MUC5B: variants seen among roughly 807,000 people sequenced by gnomAD.
MUC5B encodes mucin-5B.
Under a neutral mutation model 376.9 loss-of-function variants are expected in MUC5B, and 116 were observed. The ratio of observed to expected loss-of-function variants is 0.31; its 90% CI spans 0.26 to 0.36. The LOEUF (loss-of-function observed/expected upper bound fraction) is 0.36. MUC5B is among the 10% of genes least tolerant of loss of function. The pLI is 1.00. For synonymous variants in MUC5B, 3,517 were observed against 3,390.9 expected (o/e 1.04, Z -1.29); for missense variants, 7,165 against 7,769.9 (o/e 0.92, Z 2.93).
rs745507605 is a variant in MUC5B, at chr11:1,242,134, G to A, written c.5254G>A (p.Glu1752Lys). The change falls in exon 31 of 49, where the codon GAG (glutamate) becomes AAG (lysine). Residue 1752 changes from glutamate to lysine, a missense_variant. Coordinates refer to ENST00000529681, the MANE Select transcript of MUC5B (RefSeq NM_002458.3). ...TTSLAPTLTSELSTSQAETST... is the reference protein window; with the variant it reads ...TTSLAPTLTSKLSTSQAETST... ...GAGCCTGGCGCCAACACTCACGAGC[G>A]AGCTGTCCACCTCTCAGGCCGAGAC... 42 of 1,613,270 alleles carry A rather than the reference G, an allele frequency of 2.6e-5. No individual in the cohort carries two copies. Among genetic ancestry groups the A allele is most frequent in the South Asian group, 1.9e-4 (17 of 91,076 alleles).
Position 1,250,940 on chromosome 11 carries a change from T to A in MUC5B, c.14060T>A (p.Ile4687Asn), listed in dbSNP as rs558456971. The change falls in exon 31 of 49, where the codon ATC becomes AAC. Residue 4687 changes from isoleucine to asparagine, a missense_variant. Ile to Asn is a moderately radical substitution (Grantham distance 149). Coordinates refer to ENST00000529681, the MANE Select transcript of MUC5B (RefSeq NM_002458.3). ...TCACTGACCACCACGGCCACTACGATCACGGCCACCGGCTCCACCACCAAC... is the reference window on the plus strand; with the variant it reads ...TCACTGACCACCACGGCCACTACGAACACGGCCACCGGCTCCACCACCAAC... Reference protein sequence around the residue: ...PPSLTTTATTITATGSTTNPS... With the variant: ...PPSLTTTATTNTATGSTTNPS... 2 of 1,602,618 alleles carry A rather than the reference T, an allele frequency of 1.2e-6. No homozygotes were observed. Among genetic ancestry groups the A allele is most frequent in the East Asian group, 2.3e-5 (1 of 44,238 alleles).
rs914167596 is a variant in MUC5B, at chr11:1,232,547, G to A, written c.1938+3G>A. On this transcript the variant is annotated splice_donor_region_variant and intron_variant, in intron 16 of 48. Transcript: ENST00000529681. ...TCAACCCCAAGCCCTTCCACTCGGT[G>A]AGAGGCTGAGGCCAGACCCCCACGC... The A allele has an allele frequency of 1.2e-6, 2 of 1,608,976 alleles. No individual in the cohort carries two copies. The highest frequency in any genetic ancestry group is 8.5e-7 in the Non-Finnish European group (1 of 1,178,376).
chr11:1,225,665 T>C lies in MUC5B; in HGVS notation c.71-16T>C, dbSNP rs772460091. The C allele has an allele frequency of 1.3e-6, 2 of 1,591,148 alleles. No homozygotes were observed. The highest frequency in any genetic ancestry group is 2.3e-5 in the South Asian group (2 of 87,492). On this transcript the variant is annotated splice_polypyrimidine_tract_variant and intron_variant, in intron 1 of 48. Coordinates refer to ENST00000529681, the MANE Select transcript of MUC5B (RefSeq NM_002458.3). ...ACATCTAGTTCCTCACTGACTCCCA[T>C]TCCCTCTTCCCACAGAGACCCAGGG...
chr11:1,242,169 C>T lies in MUC5B; in HGVS notation c.5289C>T (p.Pro1763=), dbSNP rs1302640889. ...LSTSQAETST[P]RTETTMSPLT... is the part of the protein sequence containing the mutation. The stretch of plus-strand genomic sequence containing the variant: ...CCTCTCAGGCCGAGACCAGCACGCC[C>T]AGGACAGAGACGACAATGAGCCCCT... The change falls in exon 31 of 49, where the codon CCC becomes CCT. Residue 1763 remains proline, a synonymous_variant. Coordinates refer to ENST00000529681, the MANE Select transcript of MUC5B (RefSeq NM_002458.3). 2.5e-6 allele frequency: 4 copies of T among 1,613,554 alleles called. No homozygotes were observed. Among genetic ancestry groups the T allele is most frequent in the Non-Finnish European group, 3.4e-6 (4 of 1,179,906 alleles).
Position 1,251,199 on chromosome 11 carries a change from C to T in MUC5B, c.14319C>T (p.Ser4773=). The change falls in exon 31 of 49, where the codon TCC becomes TCT. Residue 4773 remains serine, a synonymous_variant. Transcript: ENST00000529681. The part of the protein sequence containing the change: ...TVPAQTTTPM[S]TMSTIHTSST... Reference sequence around the variant, plus strand: ...CAGCACAGACCACCACACCCATGTCCACCATGTCCACAATCCACACCTCCT... The same window carrying T: ...CAGCACAGACCACCACACCCATGTCTACCATGTCCACAATCCACACCTCCT... 1 of 1,611,432 alleles carries T rather than the reference C, an allele frequency of 6.2e-7. No individual in the cohort carries two copies. Among genetic ancestry groups the T allele is most frequent in the Admixed American group, 1.7e-5 (1 of 59,988 alleles).
chr11:1,229,152 C>T lies in MUC5B; in HGVS notation c.977-18C>T. ...ACAGGGCCCTTCCCCTGGCCCAGCCCCACCTCCTTTTGCGCAGCCCGGACC... is the reference window on the plus strand; with the variant it reads ...ACAGGGCCCTTCCCCTGGCCCAGCCTCACCTCCTTTTGCGCAGCCCGGACC... On this transcript the variant is annotated intron_variant, in intron 8 of 48. Coordinates refer to ENST00000529681, the MANE Select transcript of MUC5B (RefSeq NM_002458.3). 1.3e-6 allele frequency: 2 copies of T among 1,568,224 alleles called. No homozygotes were observed. Among genetic ancestry groups the T allele is most frequent in the South Asian group, 1.2e-5 (1 of 85,774 alleles).
chr11:1,246,282 C>T lies in MUC5B; in HGVS notation c.9402C>T (p.Ile3134=), dbSNP rs770624535. The stretch of plus-strand genomic sequence containing the variant: ...CCTCCACTCCGGGGACGACCTGGAT[C>T]CTCACAGAGCTGACCACAGCAGCCA... The part of the protein sequence containing the change: ...TPSSTPGTTW[I]LTELTTAATT... The change falls in exon 31 of 49, where the codon ATC becomes ATT. Residue 3134 remains isoleucine, a synonymous_variant. Coordinates refer to ENST00000529681, the MANE Select transcript of MUC5B (RefSeq NM_002458.3). 5 of 1,610,824 alleles carry T rather than the reference C, an allele frequency of 3.1e-6. No individual in the cohort carries two copies. In the South Asian group the frequency reaches 5.5e-5, roughly 18 times the overall value.
intron 31 of MUC5B, 50 bp downstream of exon 31, chr11:1,251,793 C>A: frequency 1.5e-6 from 2 of 1,310,900 alleles, no homozygotes; most frequent in South Asian, 1.4e-5. Flanking sequence ...CATGCTATGC[C>A]AACCTGGGTC....
At position 1,249,364 on chromosome 11, in the gene MUC5B, G is replaced by A. The variant is rs746407191; in HGVS notation, c.12484G>A (p.Gly4162Arg). 3.7e-5 allele frequency: 60 copies of A among 1,610,876 alleles called. No individual in the cohort carries two copies. The highest frequency in any genetic ancestry group is 4.5e-4 in the Middle Eastern group (2 of 4,434). Residue 4162 changes from glycine to arginine, a missense_variant, in exon 31 of 49, where the codon GGA becomes AGA. Around this residue, in one of 31 missense-constraint regions of MUC5B, gnomAD observed 47 missense variants for 88.4 expected, o/e 0.53. Transcript: ENST00000529681. ...FDTYSNIRAA[G>R]GAVCEQPLGL... Reference sequence around the variant, plus strand: ...CACCTACTCCAACATCCGTGCGGCCGGAGGGGCCGTCTGTGAGCAGCCCCT... The same window carrying A: ...CACCTACTCCAACATCCGTGCGGCCAGAGGGGCCGTCTGTGAGCAGCCCCT...
chr11:1,236,728 A>T (rs1862165403), intron 24 of MUC5B, among the ~76,000 whole-genome samples, 166 bp downstream of exon 24: 2 of 152,156 alleles, frequency 1.3e-5, no homozygotes, highest in Non-Finnish European at 2.9e-5. Flanking sequence ...TTTGCAGGGA[A>T]GCAGGTGCCA....
chr11:1,232,559 C>T lies in MUC5B; in HGVS notation c.1938+15C>T, dbSNP rs751125593. ...CCTTCCACTCGGTGAGAGGCTGAGG[C>T]CAGACCCCCACGCCTGGGCAGGATG... On this transcript the variant is annotated intron_variant, in intron 16 of 48. Coordinates refer to ENST00000529681, the MANE Select transcript of MUC5B (RefSeq NM_002458.3). 3 of 1,607,324 alleles carry T rather than the reference C, an allele frequency of 1.9e-6. No individual in the cohort carries two copies. The highest frequency in any genetic ancestry group is 1.1e-5 in the South Asian group (1 of 89,782).
At chr11:1,223,503 T>C (rs56221622) in intron 1 of MUC5B, 9,963 of 275,260 alleles carry the variant, frequency 0.036, 212 homozygotes, top group Non-Finnish European at 0.047. Flanking sequence ...GAGTGGGCAA[T>C]GGGGGAGGGG....
intron 24 of MUC5B, 43 bp downstream of exon 24, chr11:1,236,605 C>T: frequency 6.3e-7 from 1 of 1,578,430 alleles, no homozygotes; most frequent in Non-Finnish European, 8.6e-7. Context: ...AGGACCCTCT[C>T]ACAGTGACAG....
intron 25 of MUC5B, among the ~76,000 whole-genome samples, chr11:1,237,758 A>G (rs1400970507): frequency 6.6e-6 from 1 of 152,114 alleles, no homozygotes; most frequent in African/African-American, 2.4e-5. Flanking sequence ...AATCCCAGCT[A>G]CTCGGGAGGC....
chr11:1,251,591 G>C lies in MUC5B; in HGVS notation c.14711G>C (p.Arg4904Pro), dbSNP rs56353324. The change falls in exon 31 of 49, where the codon CGC (arginine) becomes CCC (proline). Residue 4904 changes from arginine to proline, a missense_variant. Arg to Pro is a moderately radical substitution (Grantham distance 103, BLOSUM62 -2). Coordinates refer to ENST00000529681, the MANE Select transcript of MUC5B (RefSeq NM_002458.3). ...AGCTCGTCCACCGTGGGGACCACCC[G>C]CACCCCTGCAGTGCTCCCCAGCAGC... ...VPSSSTVGTT[R>P]TPAVLPSSLP... 2 of 1,612,580 alleles carry C rather than the reference G, an allele frequency of 1.2e-6. No individual in the cohort carries two copies. Among genetic ancestry groups the C allele is most frequent in the Non-Finnish European group, 1.7e-6 (2 of 1,179,620 alleles).
At chr11:1,239,126 G>C in intron 26 of MUC5B, 99 bp downstream of exon 26, 2 of 1,394,328 alleles carry the variant, frequency 1.4e-6, no homozygotes, top group South Asian at 1.2e-5. Flanking sequence ...GGCCTGAGCC[G>C]CACACAGACA....
chr11:1,261,262 C>A (rs2133857401), intron 48 of MUC5B, 127 bp from the exon 49 acceptor site: 1 of 783,466 alleles, frequency 1.3e-6, no homozygotes, highest in Non-Finnish European at 2.0e-6. Flanking sequence ...GCCCACAGAG[C>A]AGGCCACTGT....
intron 11 of MUC5B, 88 bp from the exon 12 acceptor site, chr11:1,230,402 C>T: frequency 7.7e-7 from 1 of 1,295,814 alleles, no homozygotes; most frequent in East Asian, 2.6e-5. Context: ...AGAGCCACAT[C>T]CCCCACATGG....
In MUC5B at chr11:1,251,528, T is replaced by C. The variant is rs367630510; in HGVS notation, c.14648T>C (p.Met4883Thr). ...TAHTPKVVTT[M>T]ATMPTATAST... is the part of the protein sequence containing the mutation. The stretch of plus-strand genomic sequence containing the variant: ...CACACCCCCAAAGTGGTGACCACCA[T>C]GGCCACTATGCCCACAGCCACTGCC... The change falls in exon 31 of 49, where the codon ATG becomes ACG. Residue 4883 changes from methionine (M) to threonine (T), a missense_variant. This residue lies in a region of MUC5B where 730 missense variants were observed against 592.7 expected (regional missense o/e 1.23). Coordinates refer to ENST00000529681, the MANE Select transcript of MUC5B (RefSeq NM_002458.3). The C allele has an allele frequency of 1.8e-5, 28 of 1,587,782 alleles. No individual in the cohort carries two copies. The African/African-American group carries it at 3.2e-4, about 18-fold the overall frequency.
Sources: gnomAD v4.1 joint callset for allele counts (sites outside exome capture counted in the v4.1 genomes callset) on GRCh38, gnomAD v4.1.1 for gene constraint, gnomAD v4.1.1 regional missense constraint, MANE v1.5 for transcripts, NCBI Gene and HGNC (gene_info 2026-07-23, HGNC 2026-07-21) for gene names.